Variants in ZFAND4 observed in about 807,000 individuals in gnomAD.
ZFAND4 encodes AN1-type zinc finger protein 4.
A neutral mutation model predicts 64.4 loss-of-function variants in ZFAND4; 43 were observed. That is an observed-to-expected ratio of 0.67 (90% confidence interval 0.52 to 0.86). ZFAND4 has a LOEUF of 0.86. Among genes scored for constraint, ZFAND4 ranks in the 40% least tolerant of loss-of-function variants. ZFAND4 has a pLI of 0.00. For synonymous variants in ZFAND4, 296 were observed against 305.7 expected (o/e 0.97, Z 0.33); for missense variants, 929 against 859.8 (o/e 1.08, Z -1.01).
At chr10:45,654,399 T>C (rs2047964162) in intron 2 of ZFAND4, among the ~76,000 whole-genome samples, 1 of 152,084 alleles carries the variant, frequency 6.6e-6, no homozygotes, top group African/African-American at 2.4e-5. Context: ...GGCAGGTGGA[T>C]CACGAGGTCA....
chr10:45,627,584 T>C (rs150455839), intron 6 of ZFAND4, among the ~76,000 whole-genome samples: 15 of 152,308 alleles, frequency 9.8e-5, no homozygotes, highest in African/African-American at 3.1e-4. Flanking sequence ...GGAACATCTA[T>C]TTCAGGAGGT....
intron 8 of ZFAND4, among the ~76,000 whole-genome samples, chr10:45,622,775 T>C (rs1032979993): frequency 6.6e-6 from 1 of 152,244 alleles, no homozygotes; most frequent in Non-Finnish European, 1.5e-5. Context: ...GGCTTTCTGA[T>C]TTTTGGTAGT....
intron 2 of ZFAND4, among the ~76,000 whole-genome samples, chr10:45,653,793 T>C (rs1382520489): frequency 6.6e-6 from 1 of 152,118 alleles, no homozygotes; most frequent in Non-Finnish European, 1.5e-5. Context: ...GAACGACCAT[T>C]GAACCCAACA....
chr10:45,627,768 C>G (rs1167467382), intron 6 of ZFAND4, among the ~76,000 whole-genome samples: 1 of 152,184 alleles, frequency 6.6e-6, no homozygotes, highest in East Asian at 1.9e-4. Context: ...GGCACAGAGT[C>G]TCTAATGAGC....
At chr10:45,618,323 A>G (rs2045158870) in intron 8 of ZFAND4, 63 bp from the exon 9 acceptor site, 14 of 1,574,604 alleles carry the variant, frequency 8.9e-6, no homozygotes, top group Middle Eastern at 1.8e-4. Context: ...AAATATTATT[A>G]AGCAAAACAC....
intron 6 of ZFAND4, among the ~76,000 whole-genome samples, chr10:45,639,288 G>A (rs1252376445): frequency 6.6e-6 from 1 of 152,084 alleles, no homozygotes; most frequent in Non-Finnish European, 1.5e-5. Flanking sequence ...TATGAAAGGT[G>A]CTCAACCTTC....
rs779496775 is a variant in ZFAND4 at position 45,616,407 on chromosome 10, G to A, written c.*29C>T. The A allele has an allele frequency of 8.1e-6, 13 of 1,610,836 alleles. No individual in the cohort carries two copies. Among genetic ancestry groups the A allele is most frequent in the South Asian group, 2.2e-5 (2 of 90,410 alleles). On this transcript the variant is annotated 3_prime_UTR_variant, in exon 10 of 10. Transcript: ENST00000344646. ...CTTCTGTCATTATAATACGAATCCC[G>A]GGCAGAACAGTAAGATGTAGAGGAA...
Position 45,626,559 on chromosome 10 carries a change from CT to C in ZFAND4, c.1263del (p.Val422Ter), listed in dbSNP as rs1564560819. ...EQSSGLEGAC[K>X]VNLELLLTNA... ...TTAGTGAGTAGCAACTCCAGATTCACTTTGCACGCACCTTCTAAGCCGCTGC... is the reference window on the plus strand; with the variant it reads ...TTAGTGAGTAGCAACTCCAGATTCACTTGCACGCACCTTCTAAGCCGCTGC... On this transcript the variant is annotated frameshift_variant, in exon 7 of 10. Transcript: ENST00000344646. LOFTEE classifies it high-confidence loss of function. The C allele has an allele frequency of 6.2e-7, 1 of 1,614,154 alleles. No homozygotes were observed. The highest frequency in any genetic ancestry group is 1.1e-5 in the South Asian group (1 of 91,086).
In ZFAND4 at chr10:45,627,088, C is replaced by G; in HGVS notation, c.735G>C (p.Lys245Asn). 1 of 1,540,456 alleles carries G rather than the reference C, an allele frequency of 6.5e-7. No individual in the cohort carries two copies. The highest frequency in any genetic ancestry group is 8.7e-7 in the Non-Finnish European group (1 of 1,145,694). ...NLSKKPKKAV[K>N]IKPHPPVAPR... is the part of the protein sequence containing the mutation. Reference sequence around the variant, plus strand: ...GAGCTACAGGTGGGTGAGGTTTTATCTTGACAGCTTTCTTAGGCTAAAAGG... The same window carrying G: ...GAGCTACAGGTGGGTGAGGTTTTATGTTGACAGCTTTCTTAGGCTAAAAGG... The change falls in exon 7 of 10, where the codon AAG becomes AAC. Residue 245 changes from lysine to asparagine, a missense_variant. Coordinates refer to ENST00000344646, the MANE Select transcript of ZFAND4 (RefSeq NM_174890.4).
At position 45,616,369 on chromosome 10, in the gene ZFAND4, C is replaced by T; in HGVS notation, c.*67G>A. 6.3e-7 allele frequency: 1 copy of T among 1,576,084 alleles called. No individual in the cohort carries two copies. The highest frequency in any genetic ancestry group is 8.6e-7 in the Non-Finnish European group (1 of 1,161,676). On this transcript the variant is annotated 3_prime_UTR_variant, in exon 10 of 10. Coordinates refer to ENST00000344646, the MANE Select transcript of ZFAND4 (RefSeq NM_174890.4). ...TTTAGAGTCGAACAAAAATAATAGTCTAAACAACATTTCTTCTGTCATTAT... is the reference window on the plus strand; with the variant it reads ...TTTAGAGTCGAACAAAAATAATAGTTTAAACAACATTTCTTCTGTCATTAT...
intron 7 of ZFAND4, 141 bp downstream of exon 7, chr10:45,625,810 A>G (rs1159942916): frequency 3.4e-6 from 3 of 888,084 alleles, no homozygotes; most frequent in East Asian, 5.4e-5. Flanking sequence ...TTTTATACAA[A>G]CTAAATAAAC....
chr10:45,657,747 G>A (rs909040153), intron 2 of ZFAND4, among the ~76,000 whole-genome samples: 4 of 151,808 alleles, frequency 2.6e-5, no homozygotes, highest in African/African-American at 7.3e-5. Flanking sequence ...AACATTACTC[G>A]GCCATAAACA....
At chr10:45,655,958 G>A (rs894045843) in intron 2 of ZFAND4, among the ~76,000 whole-genome samples, 4 of 152,200 alleles carry the variant, frequency 2.6e-5, no homozygotes, top group East Asian at 1.9e-4. Context: ...CTGGCCGGGC[G>A]CAGTGGCTCA....
chr10:45,629,083 T>C (rs2046036269), intron 6 of ZFAND4, among the ~76,000 whole-genome samples: 1 of 151,968 alleles, frequency 6.6e-6, no homozygotes, highest in Non-Finnish European at 1.5e-5. Context: ...TTTATTTTTA[T>C]GTGTATTTTT....
At chr10:45,653,995 G>T (rs943451936) in intron 2 of ZFAND4, among the ~76,000 whole-genome samples, 2 of 152,138 alleles carry the variant, frequency 1.3e-5, no homozygotes, top group Non-Finnish European at 2.9e-5. Flanking sequence ...GCCATAAAAA[G>T]AATAAAATCA....
At chr10:45,625,644 TACTCAGGAGGCTA>T (rs201120837) in intron 7 of ZFAND4, among the ~76,000 whole-genome samples, 1,776 of 151,778 alleles carry the variant, frequency 0.012, 15 homozygotes, top group Non-Finnish European at 0.02. Flanking sequence ...TATTCCCAGC[TACTCAGGAGGCTA>T]AGGCAGGAGG....
intron 8 of ZFAND4, among the ~76,000 whole-genome samples, chr10:45,619,375 T>C (rs1236964538): frequency 6.6e-6 from 1 of 152,116 alleles, no homozygotes; most frequent in Non-Finnish European, 1.5e-5. Flanking sequence ...AAGTTAAATG[T>C]CTTTTAGAAC....
chr10:45,616,639 G>T (rs2044977259), intron 9 of ZFAND4, 68 bp from the exon 10 acceptor site: 1 of 1,562,174 alleles, frequency 6.4e-7, no homozygotes, highest in African/African-American at 1.4e-5. Flanking sequence ...CTGGGAGACA[G>T]GAGCTTGACT....
intron 8 of ZFAND4, among the ~76,000 whole-genome samples, chr10:45,620,421 C>T (rs1304240631): frequency 6.6e-6 from 1 of 152,074 alleles, no homozygotes; most frequent in Admixed American, 6.5e-5. Context: ...GAAGAGGTTG[C>T]AGTGAGCCGA....
Sources: gnomAD v4.1 joint callset for allele counts (sites outside exome capture counted in the v4.1 genomes callset) on GRCh38, gnomAD v4.1.1 for gene constraint, MANE v1.5 for transcripts, NCBI Gene and HGNC (gene_info 2026-07-23, HGNC 2026-07-21) for gene names.